ADGRL4: variants seen among roughly 807,000 people sequenced by gnomAD.
ADGRL4 encodes adhesion G protein-coupled receptor L4, also known as EGF, latrophilin and seven transmembrane domain containing 1.
In ADGRL4, 90 loss-of-function variants were observed where a neutral mutation model predicts 74.8. That is an observed-to-expected ratio of 1.20 (90% CI 1.02 to 1.43). The LOEUF (loss-of-function observed/expected upper bound fraction) is 1.43, where lower values mean the gene tolerates loss of function less well. Among genes scored for constraint, ADGRL4 ranks in the 40% most tolerant of loss-of-function variants. The pLI is 0.00. For synonymous variants in ADGRL4, 311 were observed against 279.2 expected (o/e 1.11, Z -1.14); for missense variants, 881 against 814.3 (o/e 1.08, Z -1.00).
chr1:78,896,665 G>T (rs2100651386), intron 12 of ADGRL4, among the ~76,000 whole-genome samples: 1 of 152,078 alleles, frequency 6.6e-6, no homozygotes, highest in Admixed American at 6.6e-5. Context: ...TCTCTCTTCT[G>T]CCATCCTTAT....
At chr1:78,937,774 AC>A in intron 6 of ADGRL4, 32 bp downstream of exon 6, 1 of 1,580,744 alleles carries the variant, frequency 6.3e-7, no homozygotes, top group Non-Finnish European at 8.6e-7. Flanking sequence ...TTTGGAAAAC[AC>A]AATTACTTTT....
intron 2 of ADGRL4, among the ~76,000 whole-genome samples, chr1:78,958,614 T>C (rs1649880672): frequency 6.6e-6 from 1 of 151,512 alleles, no homozygotes; most frequent in African/African-American, 2.4e-5. Flanking sequence ...GGATGAGGAG[T>C]TGCTTCTTAT....
intron 10 of ADGRL4, among the ~76,000 whole-genome samples, chr1:78,918,753 C>T (rs1443189018): frequency 1.3e-5 from 2 of 151,546 alleles, no homozygotes; most frequent in African/African-American, 2.4e-5. Flanking sequence ...TACTTATGTA[C>T]CTATCCCATT....
At chr1:78,936,256 T>A in intron 7 of ADGRL4, 39 bp downstream of exon 7, 1 of 1,561,004 alleles carries the variant, frequency 6.4e-7, no homozygotes, top group Non-Finnish European at 8.6e-7. Flanking sequence ...TTATTGCAAA[T>A]TCATTGATAT....
chr1:78,921,701 T>C lies in ADGRL4; in HGVS notation c.1169A>G (p.Glu390Gly), dbSNP rs374086188. The C allele has an allele frequency of 5.6e-6, 9 of 1,604,770 alleles. No homozygotes were observed. Among genetic ancestry groups the C allele is most frequent in the Non-Finnish European group, 7.7e-6 (9 of 1,175,492 alleles). The stretch of plus-strand genomic sequence containing the variant: ...GTGGGTCTCATTTGAGTATGTCAGC[T>C]CACAGCCCTCTGAAGACCAGCTGCC... ...MNGSWSSEGC[E>G]LTYSNETHTS... The change falls in exon 9 of 15, where the codon GAG becomes GGG. Residue 390 changes from glutamate (E) to glycine (G), a missense_variant. Physicochemically the swap from Glu to Gly is moderately conservative, Grantham distance 98 (BLOSUM62 -2). Coordinates refer to ENST00000370742, the MANE Select transcript of ADGRL4 (RefSeq NM_022159.4).
chr1:78,969,734 G>A (rs1650133084), intron 2 of ADGRL4, among the ~76,000 whole-genome samples: 1 of 150,774 alleles, frequency 6.6e-6, no homozygotes, highest in Admixed American at 6.6e-5. Flanking sequence ...ACAAAAATGA[G>A]GACTGGAGAG....
intron 14 of ADGRL4, 136 bp downstream of exon 14, chr1:78,891,388 T>C: frequency 8.2e-7 from 1 of 1,224,856 alleles, no homozygotes; most frequent in South Asian, 1.6e-5. Flanking sequence ...TAAAAGCATA[T>C]TTTCCTATGA....
chr1:78,917,763 T>C (rs1218281097), intron 11 of ADGRL4, 63 bp from the exon 12 acceptor site: 6 of 1,582,624 alleles, frequency 3.8e-6, no homozygotes, highest in Non-Finnish European at 4.3e-6. Context: ...CATAGCAAAA[T>C]TATCAAAGAA....
At position 78,955,897 on chromosome 1, in the gene ADGRL4, C is replaced by G. The variant is rs928635342; in HGVS notation, c.173-9471G>C. Among the ~76,000 whole-genome samples the G allele has an allele frequency of 7.2e-5, 11 of 152,062 alleles. No individual in the cohort carries two copies. The South Asian group carries it at 2.3e-3, about 31-fold the overall frequency. ...TGCAATAAAATATTTTGGAAAAAAA[C>G]TATCTAATCTATACTTACTAAAAGT... On this transcript the variant is annotated intron_variant, in intron 2 of 14. Transcript: ENST00000370742.
At chr1:78,915,417 T>C (rs1648850607) in intron 12 of ADGRL4, among the ~76,000 whole-genome samples, 1 of 151,976 alleles carries the variant, frequency 6.6e-6, no homozygotes, top group Admixed American at 6.6e-5. Flanking sequence ...AATTTTACTC[T>C]TACTATTTTG....
At chr1:78,893,755 G>A (rs1344411115) in intron 12 of ADGRL4, among the ~76,000 whole-genome samples, 1 of 151,834 alleles carries the variant, frequency 6.6e-6, no homozygotes, top group African/African-American at 2.4e-5. Context: ...CTTTCAAAAT[G>A]TTAATCAATG....
At chr1:78,962,816 T>A (rs549712410) in intron 2 of ADGRL4, among the ~76,000 whole-genome samples, 2 of 152,216 alleles carry the variant, frequency 1.3e-5, no homozygotes, top group African/African-American at 4.8e-5. Context: ...TAAAATGCAC[T>A]AATAGGATAT....
chr1:78,906,528 A>G (rs1648639181), intron 12 of ADGRL4, among the ~76,000 whole-genome samples: 2 of 152,022 alleles, frequency 1.3e-5, no homozygotes, highest in Non-Finnish European at 2.9e-5. Flanking sequence ...AACCATGGAA[A>G]GGAATAAAGG....
intron 7 of ADGRL4, among the ~76,000 whole-genome samples, chr1:78,934,908 A>G (rs1448899924): frequency 1.3e-5 from 2 of 152,172 alleles, no homozygotes; most frequent in Non-Finnish European, 2.9e-5. Flanking sequence ...GAAACAATAG[A>G]TGCTGGTGAG....
chr1:78,969,944 C>T (rs1032077372), intron 2 of ADGRL4, among the ~76,000 whole-genome samples: 1 of 152,084 alleles, frequency 6.6e-6, no homozygotes, highest in Non-Finnish European at 1.5e-5. Flanking sequence ...GCAAATCCTG[C>T]CAGGTGATGG....
intron 10 of ADGRL4, 78 bp downstream of exon 10, chr1:78,920,105 A>C: frequency 9.2e-7 from 1 of 1,087,672 alleles, no homozygotes; most frequent in Non-Finnish European, 1.3e-6. Flanking sequence ...TAAATTACAA[A>C]TAATGTTTCT....
chr1:78,995,776 T>G lies in ADGRL4; in HGVS notation c.172+9294A>C, dbSNP rs142436405. ...AAGATATTAGTCCAATCTGCTCATTTTAGGGAAACTAAGGCTTGGATGCTC... is the reference window on the plus strand; with the variant it reads ...AAGATATTAGTCCAATCTGCTCATTGTAGGGAAACTAAGGCTTGGATGCTC... On this transcript the variant is annotated intron_variant, in intron 2 of 14. Transcript: ENST00000370742. Among the ~76,000 whole-genome samples the G allele has an allele frequency of 2.0e-3, 306 of 152,348 alleles. 1 individual carries two copies. The highest frequency in any genetic ancestry group is 7.1e-3 in the African/African-American group (296 of 41,580).
At chr1:78,979,629 CAG>C (rs1650360693) in intron 2 of ADGRL4, among the ~76,000 whole-genome samples, 4 of 151,866 alleles carry the variant, frequency 2.6e-5, no homozygotes, top group Middle Eastern at 3.4e-3. Flanking sequence ...TTTGAAATTG[CAG>C]AGATATAGAA....
intron 3 of ADGRL4, among the ~76,000 whole-genome samples, chr1:78,942,247 A>G (rs1044676446): frequency 1.3e-5 from 2 of 151,584 alleles, no homozygotes; most frequent in Non-Finnish European, 2.9e-5. Context: ...AAATAAGAAA[A>G]TGTATGGGAA....
Sources: gnomAD v4.1 joint callset for allele counts (sites outside exome capture counted in the v4.1 genomes callset) on GRCh38, gnomAD v4.1.1 for gene constraint, MANE v1.5 for transcripts, NCBI Gene and HGNC (gene_info 2026-07-23, HGNC 2026-07-21) for gene names.